Variants in EPC1 observed in about 807,000 individuals in gnomAD.
The protein encoded by EPC1 is enhancer of polycomb 1, also known as enhancer of polycomb homolog 1.
In EPC1, 12 loss-of-function variants were observed where a neutral mutation model predicts 98.4. The ratio of observed to expected loss-of-function variants is 0.12; its 90% confidence interval spans 0.08 to 0.20. The LOEUF (loss-of-function observed/expected upper bound fraction) is 0.20, where lower values mean the gene tolerates loss of function less well. Among genes scored for constraint, EPC1 ranks in the 10% least tolerant of loss-of-function variants. The pLI is 1.00. For synonymous variants in EPC1, 357 were observed against 363.9 expected, an observed-to-expected ratio of 0.98 and a Z score of 0.21; for missense variants, 729 against 990.5, an observed-to-expected ratio of 0.74 and a Z score of 3.54.
chr10:32,278,191 C>A (rs943167729), intron 10 of EPC1, among the ~76,000 whole-genome samples: 1 of 151,262 alleles, frequency 6.6e-6, no homozygotes, highest in Non-Finnish European at 1.5e-5. Context: ...CAGGCGTGTG[C>A]CACCACACCA....
rs114114942 is a variant in EPC1, at chr10:32,299,882, T to C, written c.313+5890A>G. ...GCACACACTGATGATTCTAGTATGATCCAACCCTGATTTATGATAATTGCA... is the reference window on the plus strand; with the variant it reads ...GCACACACTGATGATTCTAGTATGACCCAACCCTGATTTATGATAATTGCA... On this transcript the variant is annotated intron_variant, in intron 2 of 13. Transcript: ENST00000319778. 4.5e-3 allele frequency among the ~76,000 whole-genome samples: 683 copies of C among 152,278 alleles called. 6 individuals carry two copies. The highest frequency in any genetic ancestry group is 0.016 in the African/African-American group (655 of 41,564).
chr10:32,273,468 G>A (rs1279370446), intron 10 of EPC1, among the ~76,000 whole-genome samples, 187 bp from the exon 11 acceptor site: 2 of 151,642 alleles, frequency 1.3e-5, no homozygotes, highest in African/African-American at 4.8e-5. Context: ...TAACAAGAGT[G>A]GCATGAATTT....
chr10:32,313,731 C>A (rs1304009606), intron 1 of EPC1, among the ~76,000 whole-genome samples: 3 of 151,848 alleles, frequency 2.0e-5, no homozygotes, highest in Non-Finnish European at 4.4e-5. Context: ...ACTAAAAATA[C>A]AAAAATTAGC....
At chr10:32,286,904 A>G in intron 8 of EPC1, 22 bp downstream of exon 8, 1 of 1,610,612 alleles carries the variant, frequency 6.2e-7, no homozygotes, top group Non-Finnish European at 8.5e-7. Flanking sequence ...TTTGTTATTT[A>G]CAAAGACACT....
chr10:32,285,321 T>C (rs1836622139), intron 9 of EPC1: 1 of 347,288 alleles, frequency 2.9e-6, no homozygotes, highest in Non-Finnish European at 5.2e-6. Context: ...TGCGAACACA[T>C]TTATTCTATA....
In EPC1 at chr10:32,278,134, G is replaced by A. The variant is rs541861847; in HGVS notation, c.1745-4853C>T. Among the ~76,000 whole-genome samples the A allele has an allele frequency of 2.0e-3, 309 of 150,744 alleles. 2 individuals carry two copies. The highest frequency in any genetic ancestry group is 1.3e-3 in the Non-Finnish European group (86 of 67,748). Reference sequence around the variant, plus strand: ...TCTCGCTCTGTTGCCCAGGCCTCCCGGGTTCAAGCGATTCTCCTGCCTCAG... The same window carrying A: ...TCTCGCTCTGTTGCCCAGGCCTCCCAGGTTCAAGCGATTCTCCTGCCTCAG... On this transcript the variant is annotated intron_variant, in intron 10 of 13. Transcript: ENST00000319778.
chr10:32,375,837 A>T (rs1839859873), intron 1 of EPC1, among the ~76,000 whole-genome samples: 1 of 152,020 alleles, frequency 6.6e-6, no homozygotes, highest in African/African-American at 2.4e-5. Context: ...AACTGTTACC[A>T]TGAAAGACTG....
At chr10:32,345,554 T>C (rs913509733) in intron 1 of EPC1, 26 of 985,488 alleles carry the variant, frequency 2.6e-5, no homozygotes, top group African/African-American at 2.3e-4. Context: ...CCTGTTTAAA[T>C]GGCTGTACCT....
At chr10:32,305,977 A>T (rs993635091) in intron 1 of EPC1, 46 bp from the exon 2 acceptor site, 48 of 1,522,102 alleles carry the variant, frequency 3.2e-5, no homozygotes, top group Non-Finnish European at 4.0e-5. Flanking sequence ...TTTAAAAAGC[A>T]GTAAACAGAT....
At chr10:32,293,241 G>T (rs767282602) in intron 3 of EPC1, 47 bp from the exon 4 acceptor site, 8 of 1,359,448 alleles carry the variant, frequency 5.9e-6, no homozygotes, top group South Asian at 1.3e-5. Context: ...CACATACAAG[G>T]TTCATAAGTA....
Position 32,346,824 on chromosome 10 carries a change from T to A in EPC1, c.92A>T (p.Tyr31Phe), listed in dbSNP as rs981214660. 1 of 1,614,046 alleles carries A rather than the reference T, an allele frequency of 6.2e-7. No individual in the cohort carries two copies. The highest frequency in any genetic ancestry group is 1.3e-5 in the African/African-American group (1 of 74,940). Residue 31 changes from tyrosine to phenylalanine, a missense_variant, in exon 1 of 14, where the codon TAC becomes TTC. Around this residue, in one of 6 missense-constraint regions of EPC1, gnomAD observed 46 missense variants for 119.7 expected, o/e 0.38. Coordinates refer to ENST00000319778, the MANE Select transcript of EPC1 (RefSeq NM_001272004.3). The part of the protein sequence containing the change: ...RCEDLPDLHE[Y>F]ASINRAVPQM... ...CGGCACGGCCCTGTTTATCGAGGCG[T>A]ATTCGTGCAGGTCGGGCAGATCCTC... is the stretch of plus-strand genomic sequence containing the variant.
rs180811341 is a variant in EPC1, at chr10:32,377,906, A to C, written c.3+585T>G. 1.5e-4 allele frequency among the ~76,000 whole-genome samples: 23 copies of C among 152,354 alleles called. 2 individuals are homozygous for C. Among genetic ancestry groups the C allele is most frequent in the Middle Eastern group, 6.8e-3 (2 of 294 alleles). ...TAGACCTGCAAAGATTATCTAATGA[A>C]GAGCTTCAAAGAAATAATATCATAG... is the stretch of plus-strand genomic sequence containing the variant. On this transcript the variant is annotated intron_variant, in intron 1 of 13. Transcript: ENST00000375110.
chr10:32,293,140 T>C lies in EPC1; in HGVS notation c.514A>G (p.Arg172Gly). Residue 172 changes from arginine (R) to glycine (G), a missense_variant, in exon 4 of 14, where the codon AGA (arginine) becomes GGA (glycine). Physicochemically the swap from Arg to Gly is moderately radical, Grantham distance 125 (BLOSUM62 -2). Coordinates refer to ENST00000319778, the MANE Select transcript of EPC1 (RefSeq NM_001272004.3). Reference sequence around the variant, plus strand: ...TTAATCCAATATTCATAAACTTCTCTAATTAGTTCATCATCTTCTTTTAGC... The same window carrying C: ...TTAATCCAATATTCATAAACTTCTCCAATTAGTTCATCATCTTCTTTTAGC... ...LLLKEDDELIREVYEYWIKKR... is the reference protein window; with the variant it reads ...LLLKEDDELIGEVYEYWIKKR... The C allele has an allele frequency of 1.2e-6, 2 of 1,613,516 alleles. No homozygotes were observed. The highest frequency in any genetic ancestry group is 1.7e-6 in the Non-Finnish European group (2 of 1,179,698).
chr10:32,318,490 T>C (rs1592591071), intron 1 of EPC1, among the ~76,000 whole-genome samples: 1 of 152,198 alleles, frequency 6.6e-6, no homozygotes. Flanking sequence ...TGCTGGTGAT[T>C]ATTCTAAATC....
chr10:32,373,617 T>C (rs2133127537), intron 1 of EPC1, among the ~76,000 whole-genome samples: 1 of 152,280 alleles, frequency 6.6e-6, no homozygotes, highest in East Asian at 1.9e-4. Context: ...CACTGTGCTA[T>C]GGGGCTTCTG....
chr10:32,361,683 A>G (rs888673820), intron 1 of EPC1, among the ~76,000 whole-genome samples: 2 of 152,120 alleles, frequency 1.3e-5, no homozygotes, highest in Non-Finnish European at 2.9e-5. Flanking sequence ...CGAAACTCTC[A>G]CCCATCGGGA....
At chr10:32,302,664 A>AAAT (rs1835634532) in intron 2 of EPC1, among the ~76,000 whole-genome samples, 1 of 149,950 alleles carries the variant, frequency 6.7e-6, no homozygotes, top group African/African-American at 2.4e-5. Context: ...AAAAAAAAAA[A>AAAT]GGAGGGTGGG....
intron 1 of EPC1, among the ~76,000 whole-genome samples, chr10:32,335,084 G>A (rs1837875287): frequency 6.6e-6 from 1 of 152,160 alleles, no homozygotes; most frequent in Non-Finnish European, 1.5e-5. Flanking sequence ...TCTACTTAGT[G>A]GAGCTGCCCT....
intron 1 of EPC1, among the ~76,000 whole-genome samples, chr10:32,330,606 G>A (rs183468208): frequency 6.6e-6 from 1 of 152,204 alleles, no homozygotes; most frequent in Admixed American, 6.5e-5. Context: ...TGATAAGGTA[G>A]GCTGCTTAGT....
Sources: allele counts gnomAD v4.1 joint callset (sites outside exome capture counted in the v4.1 genomes callset), GRCh38; gene constraint gnomAD v4.1.1; regional missense constraint gnomAD v4.1.1; transcripts MANE v1.5; gene names NCBI Gene and HGNC (gene_info 2026-07-23, HGNC 2026-07-21).